The following CCDC121 variants were observed in gnomAD, a reference collection of about 807,000 sequenced individuals.
The protein encoded by CCDC121 is coiled-coil domain containing 121.
For synonymous variants in CCDC121, 108 were observed against 120.0 expected, an observed-to-expected ratio of 0.90 and a Z score of 0.65; for missense variants, 238 against 304.1, an observed-to-expected ratio of 0.78 and a Z score of 1.62.
intron 1 of CCDC121, among the ~76,000 whole-genome samples, 163 bp from the exon 2 acceptor site, chr2:27,628,080 T>C (rs1441786665): frequency 6.6e-6 from 1 of 152,184 alleles, no homozygotes; most frequent in Non-Finnish European, 1.5e-5. Context: ...ATGAGGAATG[T>C]AGCTCGTCAT....
chr2:27,628,230 CTTA>C, intron 1 of CCDC121: 1 of 725,290 alleles, frequency 1.4e-6, no homozygotes, highest in Non-Finnish European at 2.2e-6. Context: ...AAAGCCAGAT[CTTA>C]TGACTTACTG....
At chr2:27,628,625 A>C (rs1673387373) in intron 1 of CCDC121, 1 of 1,551,218 alleles carries the variant, frequency 6.4e-7, no homozygotes, top group Non-Finnish European at 8.7e-7. Context: ...CCAGCCCTGA[A>C]CTGTTTAACC....
At chr2:27,628,428 G>A (rs1673374866) in intron 1 of CCDC121, 1 of 1,551,588 alleles carries the variant, frequency 6.4e-7, no homozygotes, top group Non-Finnish European at 8.7e-7. Flanking sequence ...GAAGGTCACG[G>A]CAACTGTGTA....
rs1329587256 is a variant in CCDC121, at chr2:27,627,251, T to A, written c.549A>T (p.Ala183=). The change falls in exon 2 of 2, where the codon GCA becomes GCT. Residue 183 remains alanine (A), a synonymous_variant. Coordinates refer to ENST00000324364, the MANE Select transcript of CCDC121 (RefSeq NM_024584.5). ...AGTATTCAAAAATAAACCGCTTTGC[T>A]GCCAACTTCAAGGCCTGGGCCTTCA... ...LNMKAQALKL[A]AKRFIFEYSC... The A allele has an allele frequency of 1.2e-6, 2 of 1,614,020 alleles. No individual in the cohort carries two copies. The highest frequency in any genetic ancestry group is 1.3e-5 in the African/African-American group (1 of 75,072).
rs570794514 is a variant in CCDC121 at position 27,625,671 on chromosome 2, C to T, written c.*1292G>A. The T allele has an allele frequency of 2.6e-5, 4 of 152,356 alleles. No individual in the cohort carries two copies. The East Asian group carries it at 7.5e-4, about 29-fold the overall frequency. The allele number at this position is 152,356 out of a possible 1,614,324, so 9.4% of individuals were successfully genotyped here. The stretch of plus-strand genomic sequence containing the variant: ...GTGGATAAATGTTTTTATTTAATAA[C>T]ATTGTTTAATAAAAAACTACATATT... On this transcript the variant is annotated 3_prime_UTR_variant, in exon 2 of 2. Coordinates refer to ENST00000324364, the MANE Select transcript of CCDC121 (RefSeq NM_024584.5).
In CCDC121 at chr2:27,627,055, C is replaced by T. The variant is rs1168879388; in HGVS notation, c.745G>A (p.Gly249Arg). 3 of 1,614,116 alleles carry T rather than the reference C, an allele frequency of 1.9e-6. No individual in the cohort carries two copies. The highest frequency in any genetic ancestry group is 1.7e-6 in the Non-Finnish European group (2 of 1,180,010). Residue 249 changes from glycine (G) to arginine (R), a missense_variant, in exon 2 of 2, where the codon GGA becomes AGA. Coordinates refer to ENST00000324364, the MANE Select transcript of CCDC121 (RefSeq NM_024584.5). ...CTATTTAGGCACTGATTATGACTTC[C>T]TTGCAGTCTCTGCCTCGCCTGGATT... ...SLIQARQRLQ[G>R]SHNQCLNRQD... is the part of the protein sequence containing the mutation.
rs773459353 is a variant in CCDC121, at chr2:27,628,701, G to A, written c.-119+249C>T. On this transcript the variant is annotated intron_variant, in intron 1 of 1. Transcript: ENST00000324364. ...TGGCTCCGCTCCCCGTTCTCTGTGG[G>A]CTCAAAATGACAGGCATGCTCCTCG... The A allele has an allele frequency of 9.0e-6, 14 of 1,551,538 alleles. No individual in the cohort carries two copies. The South Asian group carries it at 1.5e-4, about 17-fold the overall frequency.
rs1477624184 is a variant in CCDC121 at position 27,626,556 on chromosome 2, C to A, written c.*407G>T. ...AAGGAATGAGGATAAACTGGCAGAA[C>A]GCTATTCAAAGTCTATTTGGAATGC... On this transcript the variant is annotated 3_prime_UTR_variant, in exon 2 of 2. Transcript: ENST00000324364. 6.4e-6 allele frequency: 1 copy of A among 155,886 alleles called. No individual in the cohort carries two copies. The highest frequency in any genetic ancestry group is 2.4e-5 in the African/African-American group (1 of 41,564). 9.7% of individuals were successfully genotyped at this position (155,886 alleles called of 1,614,324 possible). A position where few individuals can be genotyped will look rare whatever the true frequency, so the allele number is the denominator to read the frequency against.
Position 27,626,256 on chromosome 2 carries a change from G to A in CCDC121, c.*707C>T, listed in dbSNP as rs1673276470. The stretch of plus-strand genomic sequence containing the variant: ...GATACGTTTTCCTGAAATAAGTGGA[G>A]GCATTCAGTCACCTCAATGCTACAG... On this transcript the variant is annotated 3_prime_UTR_variant, in exon 2 of 2. Coordinates refer to ENST00000324364, the MANE Select transcript of CCDC121 (RefSeq NM_024584.5). 6.6e-6 allele frequency: 1 copy of A among 152,278 alleles called. No homozygotes were observed. Among genetic ancestry groups the A allele is most frequent in the Non-Finnish European group, 1.5e-5 (1 of 68,022 alleles). The allele number at this position is 152,278 out of a possible 1,614,324, so 9.4% of individuals were successfully genotyped here. A position where few individuals can be genotyped will look rare whatever the true frequency, so the allele number is the denominator to read the frequency against.
intron 1 of CCDC121, 30 bp downstream of exon 1, chr2:27,628,920 A>T: frequency 1.3e-6 from 2 of 1,493,780 alleles, no homozygotes; most frequent in South Asian, 2.7e-5. Flanking sequence ...GACGCTAAGA[A>T]GATGCCCTGG....
chr2:27,628,947 C>T lies in CCDC121; in HGVS notation c.-119+3G>A. On this transcript the variant is annotated splice_donor_region_variant and intron_variant, in intron 1 of 1. Coordinates refer to ENST00000324364, the MANE Select transcript of CCDC121 (RefSeq NM_024584.5). ...ATGCCCTGGCAACCGCCGCGCCCCT[C>T]ACCCGCTCCTTTCTGACGCTGTGGT... 9 of 1,548,920 alleles carry T rather than the reference C, an allele frequency of 5.8e-6. No individual in the cohort carries two copies. The highest frequency in any genetic ancestry group is 7.8e-6 in the Non-Finnish European group (9 of 1,147,882).
intron 1 of CCDC121, 69 bp downstream of exon 1, chr2:27,628,881 T>G: frequency 6.8e-7 from 1 of 1,465,094 alleles, no homozygotes; most frequent in Non-Finnish European, 9.0e-7. Flanking sequence ...TCCTCGCCAC[T>G]GTCACTAGTT....
In CCDC121 at chr2:27,627,740, C is replaced by T. The variant is rs374569894; in HGVS notation, c.60G>A (p.Glu20=). The T allele has an allele frequency of 5.6e-6, 9 of 1,613,778 alleles. No homozygotes were observed. The highest frequency in any genetic ancestry group is 6.8e-6 in the Non-Finnish European group (8 of 1,179,952). The part of the protein sequence containing the change: ...QAQTQRKQLL[E]ESRELHREKL... ...TTTCTCGGTGTAGCTCCCTGGATTC[C>T]TCCAGTAGCTGTTTCCGCTGGGTTT... Residue 20 remains glutamate (E), a synonymous_variant, in exon 2 of 2, where the codon GAG becomes GAA. Coordinates refer to ENST00000324364, the MANE Select transcript of CCDC121 (RefSeq NM_024584.5).
rs1418843085 is a variant in CCDC121 at position 27,627,702 on chromosome 2, T to TG, written c.97dup (p.Gln33ProfsTer3). On this transcript the variant is annotated frameshift_variant, in exon 2 of 2. Transcript: ENST00000324364. LOFTEE classifies it low-confidence loss of function (END_TRUNC). ...TTCCAGAAAGAATCTGTTTTCAGCCTGGACAAGTAACTTTTCTCGGTGTAG... is the reference window on the plus strand; with the variant it reads ...TTCCAGAAAGAATCTGTTTTCAGCCTGGGACAAGTAACTTTTCTCGGTGTAG... 6.2e-7 allele frequency: 1 copy of TG among 1,613,866 alleles called. No individual in the cohort carries two copies. Among genetic ancestry groups the TG allele is most frequent in the African/African-American group, 1.3e-5 (1 of 74,876 alleles).
rs1408461305 is a variant in CCDC121 at position 27,627,412 on chromosome 2, T to A, written c.388A>T (p.Lys130Ter). ...TTTGAAGCTGTCTCAGCTTGGACTT[T>A]CTTTGTCTCCTCCTGTAATGTCTGT... Reference protein sequence around the residue: ...EIQTLQEETKKVQAETASKTR... With the variant: ...EIQTLQEETK Residue 130 changes from lysine to a stop codon, truncating the protein, a stop_gained, in exon 2 of 2, where the codon AAA becomes TAA. Transcript: ENST00000324364. LOFTEE classifies it low-confidence loss of function (END_TRUNC). 19 of 1,613,952 alleles carry A rather than the reference T, an allele frequency of 1.2e-5. No homozygotes were observed. The highest frequency in any genetic ancestry group is 1.6e-5 in the Non-Finnish European group (19 of 1,179,912).
intron 1 of CCDC121, chr2:27,628,368 G>GA (rs1673370821): frequency 1.3e-6 from 2 of 1,528,294 alleles, no homozygotes; most frequent in East Asian, 4.9e-5. Flanking sequence ...TGGAGGGGAG[G>GA]AAGCTCCCCT....
At chr2:27,628,918 G>C in intron 1 of CCDC121, 32 bp downstream of exon 1, 2 of 1,491,788 alleles carry the variant, frequency 1.3e-6, no homozygotes, top group East Asian at 2.4e-5. Flanking sequence ...CCGACGCTAA[G>C]AAGATGCCCT....
At position 27,625,978 on chromosome 2, in the gene CCDC121, ATAAC is replaced by A. The variant is rs1673270488; in HGVS notation, c.*981_*984del. 1 of 148,052 alleles carries A rather than the reference ATAAC, an allele frequency of 6.8e-6. No individual in the cohort carries two copies. The highest frequency in any genetic ancestry group is 1.5e-5 in the Non-Finnish European group (1 of 66,282). The allele number at this position is 148,052 out of a possible 1,614,324, so 9.2% of individuals were successfully genotyped here. ...CAATGTCGTAGAACCCAAAAAAAAT[ATAAC>A]TATCCTAAAAATATATAATTTAAAA... On this transcript the variant is annotated 3_prime_UTR_variant, in exon 2 of 2. Transcript: ENST00000324364.
intron 1 of CCDC121, chr2:27,628,678 G>C (rs1218991788): frequency 4.5e-6 from 7 of 1,551,480 alleles, no homozygotes; most frequent in East Asian, 2.4e-5. Flanking sequence ...TCCTCCAGTG[G>C]CTCCGCTCCC....
Sources: allele counts gnomAD v4.1 joint callset (sites outside exome capture counted in the v4.1 genomes callset), GRCh38; gene constraint gnomAD v4.1.1; transcripts MANE v1.5; gene names NCBI Gene and HGNC (gene_info 2026-07-23, HGNC 2026-07-21).